The following CNTNAP2 variants were observed in gnomAD, a reference collection of about 807,000 sequenced individuals.
CNTNAP2 encodes the protein contactin associated protein 2, also known as contactin-associated protein-like 2.
Under a neutral mutation model 155.2 loss-of-function variants are expected in CNTNAP2, and 98 were observed. The ratio of observed to expected loss-of-function variants is 0.63; its 90% CI spans 0.54 to 0.75. The LOEUF is 0.75. Among genes scored for constraint, CNTNAP2 ranks in the 30% least tolerant of loss-of-function variants. The pLI, the probability that CNTNAP2 is intolerant of heterozygous loss-of-function variation, is 0.00. For missense variants in CNTNAP2, 1,727 were observed against 1,688.1 expected (o/e 1.02, Z -0.40); for synonymous variants, 651 against 631.2 (o/e 1.03, Z -0.47).
intron 17 of CNTNAP2, among the ~76,000 whole-genome samples, chr7:148,156,792 A>G (rs1410669905): frequency 6.6e-6 from 1 of 152,126 alleles, no homozygotes; most frequent in African/African-American, 2.4e-5. Flanking sequence ...TGGCATCACC[A>G]TCTAATCCAC....
intron 1 of CNTNAP2, among the ~76,000 whole-genome samples, chr7:146,473,044 C>A (rs1796822830): frequency 6.6e-6 from 1 of 151,354 alleles, no homozygotes; most frequent in Admixed American, 6.6e-5. Context: ...AGAAGTAGAT[C>A]TATATTTGGC....
At chr7:147,662,858 T>C (rs1795635746) in intron 13 of CNTNAP2, among the ~76,000 whole-genome samples, 1 of 152,354 alleles carries the variant, frequency 6.6e-6, no homozygotes, top group South Asian at 2.1e-4. Flanking sequence ...ACAGACTACA[T>C]TGATTTGAAT....
chr7:146,837,410 C>G (rs536268637), intron 2 of CNTNAP2, among the ~76,000 whole-genome samples: 1 of 151,904 alleles, frequency 6.6e-6, no homozygotes, highest in African/African-American at 2.4e-5. Flanking sequence ...ATTTTGTTCT[C>G]GTTTGTTGCT....
At chr7:147,386,914 T>G (rs1796634723) in intron 9 of CNTNAP2, among the ~76,000 whole-genome samples, 1 of 152,162 alleles carries the variant, frequency 6.6e-6, no homozygotes, top group Non-Finnish European at 1.5e-5. Flanking sequence ...GGACTTACAG[T>G]TCCATGTGGC....
At chr7:148,381,143 G>A (rs1632702) in intron 21 of CNTNAP2, among the ~76,000 whole-genome samples, 108,816 of 152,146 alleles carry the variant, frequency 0.72, 40,077 homozygotes, top group Admixed American at 0.81. Context: ...AGCATCTAGG[G>A]GTGGTGCCTG....
At chr7:147,544,255 G>GAAATAT (rs1799690517) in intron 11 of CNTNAP2, among the ~76,000 whole-genome samples, 1 of 152,046 alleles carries the variant, frequency 6.6e-6, no homozygotes, top group Non-Finnish European at 1.5e-5. Context: ...ACTGCTCTTA[G>GAAATAT]AAATATAAAT....
At chr7:146,455,057 G>T (rs1405958054) in intron 1 of CNTNAP2, among the ~76,000 whole-genome samples, 1 of 152,104 alleles carries the variant, frequency 6.6e-6, no homozygotes, top group Non-Finnish European at 1.5e-5. Flanking sequence ...TCTGGAGACT[G>T]CTCGGGCTCC....
At chr7:147,502,717 ATGTGTG>A (rs60449695) in intron 11 of CNTNAP2, among the ~76,000 whole-genome samples, 14,993 of 147,720 alleles carry the variant, frequency 0.1, 890 homozygotes, top group Middle Eastern at 0.2. Context: ...TCATTTCACA[ATGTGTG>A]TGTGTGTGTG....
chr7:147,689,014 A>G (rs1442323649), intron 13 of CNTNAP2, among the ~76,000 whole-genome samples: 1 of 152,198 alleles, frequency 6.6e-6, no homozygotes, highest in Non-Finnish European at 1.5e-5. Flanking sequence ...CACAAGCTGC[A>G]TAATTCCAAG....
At chr7:148,126,735 C>T (rs1385222891) in intron 16 of CNTNAP2, among the ~76,000 whole-genome samples, 4 of 151,996 alleles carry the variant, frequency 2.6e-5, no homozygotes, top group Admixed American at 1.3e-4. Flanking sequence ...CAAACAGTGA[C>T]CACAATATGA....
At chr7:147,050,937 A>G (rs542449915) in intron 4 of CNTNAP2, among the ~76,000 whole-genome samples, 55 of 151,702 alleles carry the variant, frequency 3.6e-4, no homozygotes, top group Non-Finnish European at 6.3e-4. Context: ...CCTCATTTCA[A>G]TCTCTCCTTT....
At chr7:146,199,009 C>T (rs1798818362) in intron 1 of CNTNAP2, among the ~76,000 whole-genome samples, 1 of 152,138 alleles carries the variant, frequency 6.6e-6, no homozygotes. Context: ...TCATAATCTT[C>T]TTTGTATCTA....
intron 21 of CNTNAP2, among the ~76,000 whole-genome samples, chr7:148,374,785 C>T (rs1040594838): frequency 3.3e-5 from 5 of 152,172 alleles, no homozygotes; most frequent in Admixed American, 1.3e-4. Flanking sequence ...AAACTCAGGA[C>T]GCACATTAGT....
chr7:148,256,067 G>A (rs1796448324), intron 20 of CNTNAP2, among the ~76,000 whole-genome samples: 1 of 152,120 alleles, frequency 6.6e-6, no homozygotes, highest in African/African-American at 2.4e-5. Flanking sequence ...CTGAATGTCG[G>A]GAGCCAAGTC....
intron 1 of CNTNAP2, among the ~76,000 whole-genome samples, chr7:146,155,545 G>A (rs1339865011): frequency 2.6e-5 from 4 of 151,910 alleles, no homozygotes; most frequent in African/African-American, 4.8e-5. Flanking sequence ...AGAGGCTTGG[G>A]CACATTTGCA....
At chr7:147,840,140 G>C (rs1798705521) in intron 13 of CNTNAP2, among the ~76,000 whole-genome samples, 1 of 152,006 alleles carries the variant, frequency 6.6e-6, no homozygotes, top group African/African-American at 2.4e-5. Context: ...ATAGAGCATG[G>C]AATAATAGAC....
At chr7:146,907,978 T>A (rs1262359528) in intron 3 of CNTNAP2, among the ~76,000 whole-genome samples, 10 of 151,676 alleles carry the variant, frequency 6.6e-5, no homozygotes, top group African/African-American at 1.7e-4. Flanking sequence ...AATAGAAAAC[T>A]AAAAAAGGCA....
chr7:147,706,513 T>G (rs1469608969), intron 13 of CNTNAP2, among the ~76,000 whole-genome samples: 1 of 152,172 alleles, frequency 6.6e-6, no homozygotes, highest in Non-Finnish European at 1.5e-5. Context: ...TGATAGGGGT[T>G]CCCTTATAAG....
chr7:147,206,937 A>C (rs536267360), intron 8 of CNTNAP2, among the ~76,000 whole-genome samples: 1 of 152,202 alleles, frequency 6.6e-6, no homozygotes, highest in Non-Finnish European at 1.5e-5. Context: ...TGGTGGAGCA[A>C]AGGTGACGGA....
Sources: gnomAD v4.1 joint callset for allele counts (sites outside exome capture counted in the v4.1 genomes callset) on GRCh38, gnomAD v4.1.1 for gene constraint, MANE v1.5 for transcripts, NCBI Gene and HGNC (gene_info 2026-07-23, HGNC 2026-07-21) for gene names.